PAXIP1: variants seen among roughly 807,000 people sequenced by gnomAD.
The protein encoded by PAXIP1 is PAX interacting protein 1, also known as PAX-interacting protein 1.
PAXIP1 carries 19 observed loss-of-function variants against 140.6 expected under a neutral mutation model. That is an observed-to-expected ratio of 0.14 (90% confidence interval 0.09 to 0.20). PAXIP1 has a LOEUF of 0.20. Among genes scored for constraint, PAXIP1 ranks in the 10% least tolerant of loss-of-function variants. The probability of loss-of-function intolerance (pLI) is 1.00; values close to 1 mark genes in which losing one functional copy is unlikely to be tolerated. For synonymous variants in PAXIP1, 442 were observed against 444.6 expected (o/e 0.99, Z 0.07); for missense variants, 920 against 1,208.6 (o/e 0.76, Z 3.54).
rs1221843336 is a variant in PAXIP1, at chr7:154,976,098, T to C, written c.672A>G (p.Gln224=). The change falls in exon 6 of 21, where the codon CAA becomes CAG. Residue 224 remains glutamine (Q), a synonymous_variant. Coordinates refer to ENST00000404141, the MANE Select transcript of PAXIP1 (RefSeq NM_007349.4). The part of the protein sequence containing the change: ...TDEKSSPASS[Q]EGSPSGDQQF... Reference sequence around the variant, plus strand: ...GCTGGTCACCTGAAGGAGACCCTTCTTGAGAGCTGGCAGGGCTTGACTTCT... The same window carrying C: ...GCTGGTCACCTGAAGGAGACCCTTCCTGAGAGCTGGCAGGGCTTGACTTCT... 4 of 1,574,450 alleles carry C rather than the reference T, an allele frequency of 2.5e-6. No homozygotes were observed. The highest frequency in any genetic ancestry group is 1.3e-5 in the African/African-American group (1 of 74,130).
At chr7:154,979,551 T>C (rs1187176697) in intron 5 of PAXIP1, among the ~76,000 whole-genome samples, 1 of 152,010 alleles carries the variant, frequency 6.6e-6, no homozygotes, top group African/African-American at 2.4e-5. Flanking sequence ...AAAAATTAAG[T>C]CTTTTTAAAG....
intron 3 of PAXIP1, 80 bp from the exon 4 acceptor site, chr7:154,991,149 C>G (rs1024008460): frequency 3.0e-6 from 2 of 665,976 alleles, no homozygotes; most frequent in Non-Finnish European, 5.2e-6. Context: ...CCCACCCACT[C>G]CGTCCCCACT....
chr7:155,000,206 T>A (rs1414147539), intron 1 of PAXIP1: 1 of 152,154 alleles, frequency 6.6e-6, no homozygotes, highest in African/African-American at 2.4e-5. Context: ...TTCAGAATAC[T>A]TTACCGACCA....
chr7:154,955,388 A>G (rs1808458164), intron 15 of PAXIP1, 141 bp downstream of exon 15: 1 of 594,918 alleles, frequency 1.7e-6, no homozygotes, highest in South Asian at 2.1e-5. Context: ...AAATACTACT[A>G]AAAATACTTC....
At chr7:154,984,251 A>T (rs1249192509) in intron 4 of PAXIP1, among the ~76,000 whole-genome samples, 2 of 152,056 alleles carry the variant, frequency 1.3e-5, no homozygotes, top group African/African-American at 2.4e-5. Flanking sequence ...AATAATTTCT[A>T]AAAAAAATGA....
intron 3 of PAXIP1, among the ~76,000 whole-genome samples, chr7:154,992,773 A>T (rs1388992302): frequency 6.6e-6 from 1 of 152,214 alleles, no homozygotes; most frequent in Non-Finnish European, 1.5e-5. Context: ...GCTATGTACA[A>T]GAAAATATTA....
chr7:154,947,846 G>C, intron 17 of PAXIP1, 57 bp downstream of exon 17: 1 of 1,220,660 alleles, frequency 8.2e-7, no homozygotes. Context: ...TAGTTCCCTT[G>C]AGCAGGTCCG....
At chr7:154,988,149 C>CA (rs1810160247) in intron 4 of PAXIP1, among the ~76,000 whole-genome samples, 1 of 152,222 alleles carries the variant, frequency 6.6e-6, no homozygotes, top group Non-Finnish European at 1.5e-5. Context: ...CTTCTACGTG[C>CA]AAATGCACAC....
In PAXIP1 at chr7:154,968,513, G is replaced by A. The variant is rs1055680929; in HGVS notation, c.1688C>T (p.Ala563Val). 6.3e-5 allele frequency: 53 copies of A among 843,122 alleles called. 1 individual carries two copies. In the Middle Eastern group the frequency reaches 6.5e-4, roughly 10 times the overall value. 52.2% of individuals were successfully genotyped at this position (843,122 alleles called of 1,614,324 possible). A position where few individuals can be genotyped will look rare whatever the true frequency, so the allele number is the denominator to read the frequency against. ...TAPHLSQTSQALQHQVPPQQP... is the reference protein window; with the variant it reads ...TAPHLSQTSQVLQHQVPPQQP... ...CTGAGGTGGAACCTGATGCTGCAGC[G>A]CCTGTGACGTCTGACTCAAGTGTGG... Residue 563 changes from alanine to valine, a missense_variant, in exon 7 of 21, where the codon GCG (alanine) becomes GTG (valine). Physicochemically the swap from Ala to Val is moderately conservative, Grantham distance 64. Transcript: ENST00000404141.
In PAXIP1 at chr7:154,946,330, C is replaced by G; in HGVS notation, c.3194+35G>C. 6.2e-7 allele frequency: 1 copy of G among 1,613,516 alleles called. No homozygotes were observed. ...CTGGGAAATCCATTTCATATCTAAC[C>G]CGTCTACTTTTTAATTCTCTTTTGG... On this transcript the variant is annotated intron_variant, in intron 20 of 20. Transcript: ENST00000404141. This position sits in a 1 kb window ranked among gnomAD's most constrained non-coding sequence, Gnocchi z 4.9.
chr7:154,956,646 T>G lies in PAXIP1; in HGVS notation c.2549+578A>C, dbSNP rs1392316218. 1 of 152,322 alleles carries G rather than the reference T, an allele frequency of 6.6e-6. No homozygotes were observed. Among genetic ancestry groups the G allele is most frequent in the Non-Finnish European group, 1.5e-5 (1 of 68,116 alleles). The allele number at this position is 152,322 out of a possible 1,614,324, so 9.4% of individuals were successfully genotyped here. ...CTCCAAGCCAAAACCCAACATGCCATATGCATTGCACATGTCCTTCCAAAG... is the reference window on the plus strand; with the variant it reads ...CTCCAAGCCAAAACCCAACATGCCAGATGCATTGCACATGTCCTTCCAAAG... On this transcript the variant is annotated intron_variant, in intron 14 of 20. Transcript: ENST00000404141. The surrounding 1 kb of genome is among the most constrained non-coding windows in gnomAD (Gnocchi z 4.2).
At chr7:154,989,334 T>C (rs1268222756) in intron 4 of PAXIP1, among the ~76,000 whole-genome samples, 1 of 152,230 alleles carries the variant, frequency 6.6e-6, no homozygotes, top group Non-Finnish European at 1.5e-5. Flanking sequence ...CGTAATCCTC[T>C]ATCACAAAGG....
At chr7:154,990,688 T>C (rs1810289088) in intron 4 of PAXIP1, among the ~76,000 whole-genome samples, 1 of 152,218 alleles carries the variant, frequency 6.6e-6, no homozygotes, top group South Asian at 2.1e-4. Flanking sequence ...GATCCCTTTA[T>C]TTATTAAGAA....
rs1222272386 is a variant in PAXIP1 at position 154,975,857 on chromosome 7, G to A, written c.913C>T (p.Pro305Ser). ...NVPPVPGNIL[P>S]PEVRGNLMAA... The stretch of plus-strand genomic sequence containing the variant: ...ATTAAATTACCCCGGACCTCAGGGG[G>A]CAAAATGTTACCTGGGACGGGTGGG... The change falls in exon 6 of 21, where the codon CCC becomes TCC. Residue 305 changes from proline (P) to serine (S), a missense_variant. Pro to Ser is a moderately conservative substitution (Grantham distance 74). Transcript: ENST00000404141. 3.1e-6 allele frequency: 5 copies of A among 1,613,934 alleles called. No individual in the cohort carries two copies. Among genetic ancestry groups the A allele is most frequent in the Admixed American group, 1.7e-5 (1 of 60,010 alleles).
chr7:154,959,781 T>A, intron 13 of PAXIP1, 109 bp downstream of exon 13: 1 of 759,484 alleles, frequency 1.3e-6, no homozygotes, highest in Non-Finnish European at 2.3e-6. Context: ...TAATTCGTTA[T>A]CATGTTGACA....
In PAXIP1 at chr7:154,973,650, CAA is replaced by C. The variant is rs990944275; in HGVS notation, c.1074+2044_1074+2045del. 6.6e-6 allele frequency among the ~76,000 whole-genome samples: 1 copy of C among 152,296 alleles called. No homozygotes were observed. Among genetic ancestry groups the C allele is most frequent in the Non-Finnish European group, 1.5e-5 (1 of 68,028 alleles). The stretch of plus-strand genomic sequence containing the variant: ...CTGCTTAGGTGGAGGGGAGGGGAGA[CAA>C]AGATTTTGTCTGTCCCACAGCATTT... On this transcript the variant is annotated intron_variant, in intron 6 of 20. Transcript: ENST00000404141. This position sits in a 1 kb window ranked among gnomAD's most constrained non-coding sequence, Gnocchi z 4.0.
intron 2 of PAXIP1, among the ~76,000 whole-genome samples, chr7:154,995,050 G>C (rs1810511412): frequency 6.6e-6 from 1 of 152,144 alleles, no homozygotes; most frequent in Non-Finnish European, 1.5e-5. Context: ...CCTTTCAACA[G>C]CAACACCCAG....
chr7:154,985,290 T>A (rs2150775823), intron 4 of PAXIP1, among the ~76,000 whole-genome samples: 1 of 152,286 alleles, frequency 6.6e-6, no homozygotes, highest in South Asian at 2.1e-4. Context: ...TTAAAAACCA[T>A]CTTTCCAAAA....
chr7:154,952,188 A>G (rs1808301805), intron 16 of PAXIP1: 1 of 152,214 alleles, frequency 6.6e-6, no homozygotes, highest in Non-Finnish European at 1.5e-5. Flanking sequence ...TCTAAATACC[A>G]CTTAGTACAT....
Sources: allele counts gnomAD v4.1 joint callset (sites outside exome capture counted in the v4.1 genomes callset), GRCh38; gene constraint gnomAD v4.1.1; non-coding constraint Gnocchi (gnomAD v3.1); transcripts MANE v1.5; gene names NCBI Gene and HGNC (gene_info 2026-07-23, HGNC 2026-07-21).